The following ATF7 variants were observed in gnomAD, a reference collection of about 807,000 sequenced individuals.
ATF7 encodes activating transcription factor 7.
A neutral mutation model predicts 50.4 loss-of-function variants in ATF7; 10 were observed. The observed-to-expected ratio is 0.20, with a 90% CI of 0.12 to 0.34. The LOEUF (loss-of-function observed/expected upper bound fraction) is 0.34, where lower values mean the gene tolerates loss of function less well. Among genes scored for constraint, ATF7 ranks in the 10% least tolerant of loss-of-function variants. ATF7 has a pLI of 1.00. For missense variants in ATF7, 465 were observed against 613.9 expected (o/e 0.76, Z 2.56); for synonymous variants, 201 against 226.4 (o/e 0.89, Z 1.01).
chr12:53,545,007 C>T (rs1220824096), intron 3 of ATF7, among the ~76,000 whole-genome samples: 1 of 152,126 alleles, frequency 6.6e-6, no homozygotes, highest in Admixed American at 6.6e-5. Flanking sequence ...ATCCTTTATG[C>T]TTAGAGAGTA....
intron 2 of ATF7, among the ~76,000 whole-genome samples, chr12:53,592,619 G>C (rs1592947400): frequency 6.6e-6 from 1 of 152,016 alleles, no homozygotes; most frequent in African/African-American, 2.4e-5. Flanking sequence ...TGACAGTTAA[G>C]ATACCCAATT....
Position 53,524,554 on chromosome 12 carries a change from A to G in ATF7, c.1125+10T>C. On this transcript the variant is annotated intron_variant, in intron 10 of 11. Transcript: ENST00000420353. The surrounding 1 kb of genome is among the most constrained non-coding windows in gnomAD (Gnocchi z 4.6). ...TCAACAATTCCAATAAGCATCCAGGACCCACTCACACTCAGCTGAATGTTC... is the reference window on the plus strand; with the variant it reads ...TCAACAATTCCAATAAGCATCCAGGGCCCACTCACACTCAGCTGAATGTTC... The G allele has an allele frequency of 6.2e-7, 1 of 1,613,566 alleles. No individual in the cohort carries two copies. The highest frequency in any genetic ancestry group is 8.5e-7 in the Non-Finnish European group (1 of 1,179,886).
At chr12:53,529,666 T>C (rs997316549) in intron 9 of ATF7, among the ~76,000 whole-genome samples, 4 of 142,932 alleles carry the variant, frequency 2.8e-5, no homozygotes, top group Non-Finnish European at 6.0e-5. Flanking sequence ...CACACACACA[T>C]ATATATATAC....
At chr12:53,597,191 T>G (rs1434483607) in intron 2 of ATF7, among the ~76,000 whole-genome samples, 1 of 152,214 alleles carries the variant, frequency 6.6e-6, no homozygotes, top group Admixed American at 6.5e-5. Flanking sequence ...GCAGCGTTTT[T>G]TTTTTAAGCA....
At chr12:53,520,744 A>G (rs1938070803) in intron 11 of ATF7, among the ~76,000 whole-genome samples, 1 of 152,080 alleles carries the variant, frequency 6.6e-6, no homozygotes, top group South Asian at 2.1e-4. Flanking sequence ...ACCCTATCTC[A>G]ATTAATGACA....
intron 2 of ATF7, among the ~76,000 whole-genome samples, chr12:53,588,114 T>C (rs917735211): frequency 2.0e-5 from 3 of 152,124 alleles, no homozygotes; most frequent in Non-Finnish European, 4.4e-5. Flanking sequence ...CCTCCCAATG[T>C]GCTGGGATTT....
At position 53,564,689 on chromosome 12, in the gene ATF7, G is replaced by T. The variant is rs146991619; in HGVS notation, c.49-12052C>A. ...AGCTAGTTAGAGGGGAACAGAAAAA[G>T]AATTTTAAACCCATAGTCAACACTG... is the stretch of plus-strand genomic sequence containing the variant. On this transcript the variant is annotated intron_variant, in intron 2 of 11. Coordinates refer to ENST00000420353, the MANE Select transcript of ATF7 (RefSeq NM_006856.3). Among the ~76,000 whole-genome samples the T allele has an allele frequency of 2.5e-4, 38 of 152,254 alleles. No individual in the cohort carries two copies. The East Asian group carries it at 7.1e-3, about 29-fold the overall frequency.
At chr12:53,614,458 T>A (rs889658047) in intron 1 of ATF7, among the ~76,000 whole-genome samples, 87 of 152,294 alleles carry the variant, frequency 5.7e-4, no homozygotes, top group African/African-American at 2.0e-3. Flanking sequence ...CCCAAAACAC[T>A]GATCTTTTAA....
At chr12:53,541,969 G>A (rs1939577604) in intron 4 of ATF7, among the ~76,000 whole-genome samples, 1 of 152,106 alleles carries the variant, frequency 6.6e-6, no homozygotes, top group Admixed American at 6.5e-5. Context: ...TTACAGGCGT[G>A]CGCCGCCACG....
intron 2 of ATF7, among the ~76,000 whole-genome samples, chr12:53,577,809 T>TC (rs1565971810): frequency 1.3e-5 from 2 of 149,680 alleles, no homozygotes; most frequent in Non-Finnish European, 3.0e-5. Flanking sequence ...ACTAAAAATG[T>TC]CCCCCCAAAT....
At chr12:53,525,225 T>C (rs1938372328) in intron 9 of ATF7, among the ~76,000 whole-genome samples, 1 of 152,156 alleles carries the variant, frequency 6.6e-6, no homozygotes, top group Non-Finnish European at 1.5e-5. Flanking sequence ...TGGTGGCGTA[T>C]GCCTGTAATC....
chr12:53,550,646 G>C (rs866847214), intron 3 of ATF7, among the ~76,000 whole-genome samples: 1 of 152,144 alleles, frequency 6.6e-6, no homozygotes, highest in Non-Finnish European at 1.5e-5. Flanking sequence ...AGGAGAAGGA[G>C]CTGGTTTAGG....
At position 53,524,646 on chromosome 12, in the gene ATF7, C is replaced by A; in HGVS notation, c.1043G>T (p.Arg348Leu). Residue 348 changes from arginine (R) to leucine (L), a missense_variant, in exon 10 of 12, where the codon CGC becomes CTC. Arg to Leu is a moderately radical substitution (Grantham distance 102). Coordinates refer to ENST00000420353, the MANE Select transcript of ATF7 (RefSeq NM_006856.3). This position sits in a 1 kb window ranked among gnomAD's most constrained non-coding sequence, Gnocchi z 4.6. ...CCACAGCTTTCGCTTTTGGCGGCAG[C>A]GGGAGGCTGCAGCCCGGTTGCGCTC... ...FLERNRAAAS[R>L]CRQKRKLWVS... 2 of 1,613,772 alleles carry A rather than the reference C, an allele frequency of 1.2e-6. No individual in the cohort carries two copies. Among genetic ancestry groups the A allele is most frequent in the Non-Finnish European group, 1.7e-6 (2 of 1,179,892 alleles).
intron 2 of ATF7, among the ~76,000 whole-genome samples, chr12:53,598,383 T>C (rs1943251644): frequency 6.6e-6 from 1 of 152,224 alleles, no homozygotes; most frequent in Non-Finnish European, 1.5e-5. Context: ...GAAATAAGTA[T>C]CTTGAATCCA....
chr12:53,541,129 C>T (rs1939526440), intron 4 of ATF7, among the ~76,000 whole-genome samples: 1 of 152,178 alleles, frequency 6.6e-6, no homozygotes, highest in Non-Finnish European at 1.5e-5. Flanking sequence ...CACTATCTTG[C>T]TTTCTTACCA....
intron 2 of ATF7, 82 bp downstream of exon 2, chr12:53,600,871 C>A (rs1943370300): frequency 4.3e-6 from 6 of 1,384,678 alleles, no homozygotes; most frequent in Non-Finnish European, 4.0e-6. Context: ...AAAATACTGG[C>A]TTTAAACTCT....
chr12:53,552,584 T>C lies in ATF7; in HGVS notation c.102A>G (p.Thr34=), dbSNP rs1242259376. 4 of 1,613,838 alleles carry C rather than the reference T, an allele frequency of 2.5e-6. No homozygotes were observed. Among genetic ancestry groups the C allele is most frequent in the African/African-American group, 1.3e-5 (1 of 74,908 alleles). Residue 34 remains threonine, a synonymous_variant, in exon 3 of 12, where the codon ACA becomes ACG. Transcript: ENST00000420353. ...CAGTTCGGGCTGGGCCAAATTTCAATGTCATCTCATGCTTGTGTTTATGAA... is the reference window on the plus strand; with the variant it reads ...CAGTTCGGGCTGGGCCAAATTTCAACGTCATCTCATGCTTGTGTTTATGAA... ...LAVHKHKHEM[T]LKFGPARTDS... is the part of the protein sequence containing the mutation.
chr12:53,543,501 CTTGATAT>C, intron 3 of ATF7, 53 bp from the exon 4 acceptor site: 1 of 1,476,058 alleles, frequency 6.8e-7, no homozygotes, highest in Non-Finnish European at 9.1e-7. Context: ...GAAATTAAAA[CTTGATAT>C]TAAATAGTAT....
chr12:53,574,953 CAA>C (rs200535578), intron 2 of ATF7: 1,370 of 167,882 alleles, frequency 8.2e-3, no homozygotes, highest in South Asian at 0.022. Context: ...GAGCTTAAGC[CAA>C]AAAAAAAAAA....
Sources: gnomAD v4.1 joint callset for allele counts (sites outside exome capture counted in the v4.1 genomes callset) on GRCh38, gnomAD v4.1.1 for gene constraint, Gnocchi (gnomAD v3.1) non-coding constraint, MANE v1.5 for transcripts, NCBI Gene and HGNC (gene_info 2026-07-23, HGNC 2026-07-21) for gene names.